Variants in TENM4 observed in about 807,000 individuals in gnomAD.
TENM4 encodes teneurin-4.
TENM4 carries 82 observed loss-of-function variants against 243.3 expected under a neutral mutation model. The observed-to-expected ratio is 0.34, with a 90% CI of 0.28 to 0.40. The LOEUF is 0.40. Among genes scored for constraint, TENM4 ranks in the 10% least tolerant of loss-of-function variants. The pLI, the probability that TENM4 is intolerant of heterozygous loss-of-function variation, is 1.00. For missense variants in TENM4, 3,138 were observed against 3,673.3 expected, an observed-to-expected ratio of 0.85 and a Z score of 3.77; for synonymous variants, 1,412 against 1,456.3, an observed-to-expected ratio of 0.97 and a Z score of 0.69.
chr11:78,780,991 TG>T (rs1462297406), intron 16 of TENM4, among the ~76,000 whole-genome samples: 1 of 152,164 alleles, frequency 6.6e-6, no homozygotes, highest in Non-Finnish European at 1.5e-5. Flanking sequence ...ATCCAAAAGC[TG>T]GTAACAGCCA....
At chr11:79,126,066 A>C (rs1861870670) in intron 4 of TENM4, among the ~76,000 whole-genome samples, 2 of 152,228 alleles carry the variant, frequency 1.3e-5, no homozygotes, top group Admixed American at 6.5e-5. Context: ...ATCTGCATTT[A>C]ATGTTGCAGC....
chr11:79,116,527 T>C (rs1313232223), intron 4 of TENM4, among the ~76,000 whole-genome samples: 2 of 152,036 alleles, frequency 1.3e-5, no homozygotes, highest in South Asian at 2.1e-4. Context: ...TAAAATAGTA[T>C]TGTAGCCTTA....
chr11:79,407,909 CTTTTTT>C (rs71457508), intron 1 of TENM4, among the ~76,000 whole-genome samples: 7 of 139,444 alleles, frequency 5.0e-5, no homozygotes, highest in Non-Finnish European at 9.3e-5. Flanking sequence ...TTTTCTTTTT[CTTTTTT>C]TTTTTTTTAA....
At chr11:78,903,805 C>A (rs1319165901) in intron 6 of TENM4, 1 of 682,596 alleles carries the variant, frequency 1.5e-6, no homozygotes, top group South Asian at 1.5e-5. Flanking sequence ...AGACTAGTTA[C>A]CCATCTCAGC....
intron 2 of TENM4, among the ~76,000 whole-genome samples, chr11:79,272,683 G>A (rs1217364377): frequency 6.6e-6 from 1 of 151,974 alleles, no homozygotes; most frequent in Non-Finnish European, 1.5e-5. Context: ...TCTTCCCTCT[G>A]CTTGGGGCAT....
intron 4 of TENM4, among the ~76,000 whole-genome samples, chr11:79,074,011 G>T (rs1418597129): frequency 3.9e-5 from 6 of 152,130 alleles, no homozygotes; most frequent in Non-Finnish European, 7.3e-5. Context: ...GTGTGTGCCT[G>T]TTGACTGAAG....
chr11:78,700,557 TA>T (rs935751378), intron 28 of TENM4, among the ~76,000 whole-genome samples: 4 of 152,142 alleles, frequency 2.6e-5, no homozygotes, highest in African/African-American at 7.2e-5. Flanking sequence ...AAAAGCAGCT[TA>T]AAAAAATCTA....
At chr11:78,949,719 G>A (rs544879369) in intron 6 of TENM4, among the ~76,000 whole-genome samples, 52 of 152,294 alleles carry the variant, frequency 3.4e-4, no homozygotes, top group African/African-American at 1.3e-3. Flanking sequence ...GCCAGGTGAA[G>A]TTGGAACTGA....
At chr11:78,861,876 A>T (rs72941755) in intron 10 of TENM4, among the ~76,000 whole-genome samples, 5,328 of 152,342 alleles carry the variant, frequency 0.035, 94 homozygotes, top group Middle Eastern at 0.11. Context: ...AAAGCAGGCC[A>T]TAGCAGGTGC....
chr11:79,169,826 G>A (rs1379990579), intron 3 of TENM4, among the ~76,000 whole-genome samples: 2 of 152,238 alleles, frequency 1.3e-5, no homozygotes, highest in Non-Finnish European at 2.9e-5. Context: ...AGAGATCTTA[G>A]CAGGGTCTTC....
chr11:79,067,973 A>G (rs1405777220), intron 5 of TENM4: 24 of 152,152 alleles, frequency 1.6e-4, no homozygotes, highest in Non-Finnish European at 8.8e-5. Context: ...GTATTTTGTA[A>G]ACTGCTACGC....
intron 6 of TENM4, among the ~76,000 whole-genome samples, chr11:79,044,140 T>C (rs541500473): frequency 2.1e-3 from 314 of 152,316 alleles, no homozygotes; most frequent in Admixed American, 3.8e-3. Flanking sequence ...TTAGACCAAA[T>C]ATATGTTTAC....
At chr11:78,825,169 G>C (rs1280994606) in intron 12 of TENM4, among the ~76,000 whole-genome samples, 1 of 152,192 alleles carries the variant, frequency 6.6e-6, no homozygotes, top group South Asian at 2.1e-4. Context: ...TTAGCCTTTA[G>C]AGTCACTACA....
intron 2 of TENM4, among the ~76,000 whole-genome samples, chr11:79,221,705 G>A (rs189605483): frequency 9.2e-5 from 14 of 152,234 alleles, no homozygotes; most frequent in African/African-American, 2.6e-4. Context: ...AATGTTTCTC[G>A]GTGAGCAGCT....
chr11:78,935,229 T>C (rs1270095696), intron 6 of TENM4, among the ~76,000 whole-genome samples: 1 of 151,686 alleles, frequency 6.6e-6, no homozygotes, highest in Non-Finnish European at 1.5e-5. Flanking sequence ...GCCAGGATGG[T>C]CTCGATCTCC....
At chr11:78,691,645 A>G (rs1377687131) in intron 28 of TENM4, among the ~76,000 whole-genome samples, 1 of 152,250 alleles carries the variant, frequency 6.6e-6, no homozygotes, top group Non-Finnish European at 1.5e-5. Flanking sequence ...GGTAGCTTGT[A>G]AGGCATAATT....
At chr11:78,674,056 A>G (rs1240207248) in intron 30 of TENM4, among the ~76,000 whole-genome samples, 4 of 152,170 alleles carry the variant, frequency 2.6e-5, no homozygotes, top group Admixed American at 6.5e-5. Flanking sequence ...ATCTTTTGGA[A>G]GGTCCCGCTG....
rs143218717 is a variant in TENM4, at chr11:79,234,921, C to T, written c.-264-19012G>A. On this transcript the variant is annotated intron_variant, in intron 2 of 33. Coordinates refer to ENST00000278550, the MANE Select transcript of TENM4 (RefSeq NM_001098816.3). ...GGTAAGAAGAAAATATCTACTGAAG[C>T]ATTGAACTTTCCAGAAACCAAATAT... 2.2e-4 allele frequency among the ~76,000 whole-genome samples: 34 copies of T among 152,278 alleles called. No individual in the cohort carries two copies. The East Asian group carries it at 6.6e-3, about 29-fold the overall frequency.
chr11:78,978,052 CA>C, intron 6 of TENM4, among the ~76,000 whole-genome samples: 1 of 152,280 alleles, frequency 6.6e-6, no homozygotes, highest in African/African-American at 2.4e-5. Flanking sequence ...ATGTCCTTCT[CA>C]GGGACATGGA....
Sources: gnomAD v4.1 joint callset for allele counts (sites outside exome capture counted in the v4.1 genomes callset) on GRCh38, gnomAD v4.1.1 for gene constraint, MANE v1.5 for transcripts, NCBI Gene and HGNC (gene_info 2026-07-23, HGNC 2026-07-21) for gene names.